PCCA: variants seen among roughly 807,000 people sequenced by gnomAD.
The protein encoded by PCCA is propionyl-CoA carboxylase subunit alpha.
Under a neutral mutation model 101.3 loss-of-function variants are expected in PCCA, and 74 were observed. That is an observed-to-expected ratio of 0.73 (90% CI 0.61 to 0.89). The LOEUF is 0.89. Among genes scored for constraint, PCCA ranks in the 40% least tolerant of loss-of-function variants. The probability of loss-of-function intolerance (pLI) is 0.00; values close to 1 mark genes in which losing one functional copy is unlikely to be tolerated. For missense variants in PCCA, 891 were observed against 907.0 expected (o/e 0.98, Z 0.23); for synonymous variants, 294 against 313.6 (o/e 0.94, Z 0.66).
intron 6 of PCCA, among the ~76,000 whole-genome samples, chr13:100,200,580 T>C (rs2058416837): frequency 6.6e-6 from 1 of 151,358 alleles, no homozygotes; most frequent in African/African-American, 2.4e-5. Context: ...TTTTAACATA[T>C]ACGTTTTATG....
intron 21 of PCCA, among the ~76,000 whole-genome samples, chr13:100,462,118 C>G (rs1255049825): frequency 6.6e-6 from 1 of 151,982 alleles, no homozygotes; most frequent in Non-Finnish European, 1.5e-5. Flanking sequence ...CCTAAATATA[C>G]AAAATTTCAG....
chr13:100,491,752 G>T lies in PCCA; in HGVS notation c.1900-23675G>T, dbSNP rs1205701738. 7 of 1,255,578 alleles carry T rather than the reference G, an allele frequency of 5.6e-6. No homozygotes were observed. In the East Asian group the frequency reaches 3.5e-4, roughly 63 times the overall value. The allele number at this position is 1,255,578 out of a possible 1,614,324, so 77.8% of individuals were successfully genotyped here. ...GCCTGGGATTGAAAGCTCTCGGTTT[G>T]TACAAGCTCTTTTGGATTTGTAACA... On this transcript the variant is annotated intron_variant, in intron 21 of 23. Coordinates refer to ENST00000376285, the MANE Select transcript of PCCA (RefSeq NM_000282.4).
chr13:100,179,731 G>C (rs747167598), intron 6 of PCCA, among the ~76,000 whole-genome samples: 6 of 92,146 alleles, frequency 6.5e-5, no homozygotes, highest in East Asian at 1.2e-3. Context: ...TTTCCTGTCT[G>C]TGTGTGTGTG....
chr13:100,461,246 A>G (rs1045292054), intron 21 of PCCA, among the ~76,000 whole-genome samples: 1 of 152,210 alleles, frequency 6.6e-6, no homozygotes, highest in Non-Finnish European at 1.5e-5. Flanking sequence ...TTTAATTAGC[A>G]AGAGCTGAAG....
Position 100,509,826 on chromosome 13 carries a change from TTTTTG to T in PCCA, c.1900-5571_1900-5567del, listed in dbSNP as rs60985069. 1.9e-3 allele frequency among the ~76,000 whole-genome samples: 285 copies of T among 149,568 alleles called. 4 individuals are homozygous for T. Among genetic ancestry groups the T allele is most frequent in the East Asian group, 6.6e-3 (33 of 5,012 alleles). On this transcript the variant is annotated intron_variant, in intron 21 of 23. Transcript: ENST00000376285. ...GGTGTGGGTTTTTTGTTTTGTGTTT[TTTTTG>T]TTTTGTTTTGTTTTGTTTTGTTTTG... is the stretch of plus-strand genomic sequence containing the variant.
chr13:100,235,739 T>C lies in PCCA; in HGVS notation c.601-103T>C, dbSNP rs1033922690. ...GGTTAGAAGGTAGTAAAATTGAACA[T>C]TAAATGAATCGGAGGAGACAGTAGT... On this transcript the variant is annotated intron_variant, in intron 7 of 23. Coordinates refer to ENST00000376285, the MANE Select transcript of PCCA (RefSeq NM_000282.4). 6 of 789,124 alleles carry C rather than the reference T, an allele frequency of 7.6e-6. No homozygotes were observed. The African/African-American group carries it at 1.0e-4, about 13-fold the overall frequency. The allele number at this position is 789,124 out of a possible 1,614,324, so 48.9% of individuals were successfully genotyped here.
At chr13:100,149,880 C>T (rs1037131527) in intron 4 of PCCA, among the ~76,000 whole-genome samples, 3 of 152,150 alleles carry the variant, frequency 2.0e-5, no homozygotes, top group Admixed American at 6.5e-5. Context: ...CTAAATATAA[C>T]ATCTGGCCTA....
intron 19 of PCCA, among the ~76,000 whole-genome samples, chr13:100,381,686 G>A (rs1414650188): frequency 1.3e-5 from 2 of 152,210 alleles, no homozygotes; most frequent in East Asian, 3.9e-4. Flanking sequence ...TTGCCACGGG[G>A]TGCCTCCTTT....
chr13:100,449,332 CTT>C, intron 21 of PCCA, 27 bp downstream of exon 21: 4 of 1,380,688 alleles, frequency 2.9e-6, no homozygotes, highest in Non-Finnish European at 4.0e-6. Context: ...TCTTTATTCT[CTT>C]AATTTACAGA....
At chr13:100,334,250 C>T (rs1337970727) in intron 17 of PCCA, among the ~76,000 whole-genome samples, 11 of 152,194 alleles carry the variant, frequency 7.2e-5, no homozygotes, top group Admixed American at 6.5e-4. Context: ...CATGTGTGCA[C>T]ATCTTTATAA....
chr13:100,288,061 TC>T (rs1180262145), intron 12 of PCCA, among the ~76,000 whole-genome samples: 2 of 152,200 alleles, frequency 1.3e-5, no homozygotes, highest in Non-Finnish European at 2.9e-5. Context: ...CTTTTCTTTT[TC>T]CCTTTAAAAA....
chr13:100,091,404 C>T (rs1372360173), intron 1 of PCCA, among the ~76,000 whole-genome samples: 4 of 152,180 alleles, frequency 2.6e-5, no homozygotes, highest in African/African-American at 9.7e-5. Context: ...CAATGTTTGA[C>T]ACAATAGGTG....
intron 21 of PCCA, among the ~76,000 whole-genome samples, chr13:100,513,218 ATCTC>A (rs1209603244): frequency 1.3e-5 from 2 of 152,228 alleles, no homozygotes; most frequent in Non-Finnish European, 2.9e-5. Context: ...TAAAAAGAGA[ATCTC>A]TCTCTGTCTT....
chr13:100,459,805 G>C (rs1214199330), intron 21 of PCCA, among the ~76,000 whole-genome samples: 2 of 152,210 alleles, frequency 1.3e-5, no homozygotes, highest in Non-Finnish European at 2.9e-5. Context: ...TCTAGAGCCT[G>C]GGAAGTCTAA....
In PCCA at chr13:100,303,396, T is replaced by C. The variant is rs150113981; in HGVS notation, c.1284+398T>C. On this transcript the variant is annotated intron_variant, in intron 14 of 23. Coordinates refer to ENST00000376285, the MANE Select transcript of PCCA (RefSeq NM_000282.4). ...TTCAAGCACAAAATCAGCTCCTTAATTGAAATTTAAGGAGATTGAATTAAG... is the reference window on the plus strand; with the variant it reads ...TTCAAGCACAAAATCAGCTCCTTAACTGAAATTTAAGGAGATTGAATTAAG... 2.4e-3 allele frequency among the ~76,000 whole-genome samples: 365 copies of C among 152,292 alleles called. 2 individuals carry two copies. The highest frequency in any genetic ancestry group is 4.0e-3 in the Non-Finnish European group (272 of 68,016).
chr13:100,477,329 C>T (rs1249674311), intron 21 of PCCA: 1 of 152,108 alleles, frequency 6.6e-6, no homozygotes, highest in Non-Finnish European at 1.5e-5. Context: ...TTTTATTTAC[C>T]TTTAGGAGAC....
intron 18 of PCCA, among the ~76,000 whole-genome samples, chr13:100,350,524 T>A (rs1201239019): frequency 6.6e-6 from 1 of 152,218 alleles, no homozygotes; most frequent in Admixed American, 6.5e-5. Context: ...TATGATATTT[T>A]CAGTTACTTA....
intron 4 of PCCA, among the ~76,000 whole-genome samples, chr13:100,126,892 A>G (rs907078698): frequency 2.6e-5 from 4 of 152,224 alleles, no homozygotes; most frequent in Non-Finnish European, 5.9e-5. Context: ...GTTATGGGTA[A>G]TACTCAGTGT....
intron 2 of PCCA, among the ~76,000 whole-genome samples, chr13:100,105,975 CTTTG>C (rs1386038692): frequency 1.3e-5 from 2 of 150,990 alleles, no homozygotes; most frequent in African/African-American, 2.4e-5. Context: ...AATTCTGTGC[CTTTG>C]TACTATTAGA....
Sources: allele counts gnomAD v4.1 joint callset (sites outside exome capture counted in the v4.1 genomes callset), GRCh38; gene constraint gnomAD v4.1.1; transcripts MANE v1.5; gene names NCBI Gene and HGNC (gene_info 2026-07-23, HGNC 2026-07-21).